Variants in LSAMP observed in about 807,000 individuals in gnomAD.
The protein encoded by LSAMP is limbic system associated membrane protein.
Under a neutral mutation model 38.6 loss-of-function variants are expected in LSAMP, and 7 were observed. The ratio of observed to expected loss-of-function variants is 0.18; its 90% CI spans 0.10 to 0.34. LSAMP has a LOEUF of 0.34. Ranked by LOEUF, LSAMP falls within the 10% of genes least tolerant of loss-of-function variation. LSAMP has a pLI of 1.00. For synonymous variants in LSAMP, 154 were observed against 166.8 expected, an observed-to-expected ratio of 0.92 and a Z score of 0.59; for missense variants, 313 against 420.0, an observed-to-expected ratio of 0.75 and a Z score of 2.23.
At chr3:115,968,563 C>T (rs570686084) in intron 3 of LSAMP, among the ~76,000 whole-genome samples, 1 of 152,196 alleles carries the variant, frequency 6.6e-6, no homozygotes, top group African/African-American at 2.4e-5. Context: ...GAGCTGATAC[C>T]CAAGTTGCAA....
At chr3:116,371,230 G>C (rs1428327828) in intron 1 of LSAMP, among the ~76,000 whole-genome samples, 1 of 151,976 alleles carries the variant, frequency 6.6e-6, no homozygotes, top group African/African-American at 2.4e-5. Flanking sequence ...TATCAAAGCA[G>C]AAAAAGACAC....
chr3:116,057,107 G>T (rs1438056597), intron 2 of LSAMP, among the ~76,000 whole-genome samples: 1 of 152,134 alleles, frequency 6.6e-6, no homozygotes, highest in Non-Finnish European at 1.5e-5. Context: ...TCCACTGAAT[G>T]TCAAGATCCT....
At position 115,967,746 on chromosome 3, in the gene LSAMP, T is replaced by C. The variant is rs909270644; in HGVS notation, c.514+51769A>G. On this transcript the variant is annotated intron_variant, in intron 3 of 6. Coordinates refer to ENST00000490035, the MANE Select transcript of LSAMP (RefSeq NM_002338.5). ...GCAGCAGGCAAAGAGAGAGCCTGTG[T>C]AGGGAAACTCCCATTTTTAAAACCA... is the stretch of plus-strand genomic sequence containing the variant. Among the ~76,000 whole-genome samples, 6 of 152,248 alleles carry C rather than the reference T, an allele frequency of 3.9e-5. No individual in the cohort carries two copies. In the South Asian group the frequency reaches 1.2e-3, roughly 32 times the overall value.
intron 1 of LSAMP, among the ~76,000 whole-genome samples, chr3:116,293,090 A>T (rs756581797): frequency 1.3e-5 from 2 of 152,146 alleles, no homozygotes; most frequent in African/African-American, 4.8e-5. Context: ...AATTTTCTTC[A>T]GAATGCTCAT....
chr3:115,960,871 C>G (rs1938603410), intron 3 of LSAMP, among the ~76,000 whole-genome samples: 1 of 152,116 alleles, frequency 6.6e-6, no homozygotes, highest in South Asian at 2.1e-4. Flanking sequence ...AAATCCAGCA[C>G]AGTCAAAATG....
At chr3:116,120,028 C>G (rs1708839807) in intron 1 of LSAMP, among the ~76,000 whole-genome samples, 1 of 152,166 alleles carries the variant, frequency 6.6e-6, no homozygotes, top group Non-Finnish European at 1.5e-5. Context: ...TTTTCAAAGA[C>G]AATCTTAGGA....
intron 1 of LSAMP, among the ~76,000 whole-genome samples, chr3:116,240,188 A>G (rs2046514820): frequency 6.6e-6 from 1 of 152,214 alleles, no homozygotes; most frequent in Non-Finnish European, 1.5e-5. Context: ...TTCCTTTGCA[A>G]CCTACATAAT....
rs1335362872 is a variant in LSAMP at position 115,810,177 on chromosome 3, T to C, written c.*140A>G. ...TCTTCTTCACTTTCTTATTTCCCCC[T>C]TCATGTATAAACACACAAAGTTGTG... On this transcript the variant is annotated 3_prime_UTR_variant, in exon 7 of 7. Coordinates refer to ENST00000490035, the MANE Select transcript of LSAMP (RefSeq NM_002338.5). The C allele has an allele frequency of 3.3e-6, 2 of 602,510 alleles. No homozygotes were observed. Among genetic ancestry groups the C allele is most frequent in the East Asian group, 5.7e-5 (2 of 35,002 alleles). 37.3% of individuals were successfully genotyped at this position (602,510 alleles called of 1,614,324 possible). A position where few individuals can be genotyped will look rare whatever the true frequency, so the allele number is the denominator to read the frequency against.
intron 3 of LSAMP, among the ~76,000 whole-genome samples, chr3:115,978,783 C>T (rs997050629): frequency 6.6e-6 from 1 of 151,880 alleles, no homozygotes; most frequent in Admixed American, 6.6e-5. Flanking sequence ...AGTGACCTTG[C>T]TGATAAAGGC....
intron 1 of LSAMP, among the ~76,000 whole-genome samples, chr3:116,188,418 T>C (rs1710675347): frequency 6.6e-6 from 1 of 152,172 alleles, no homozygotes; most frequent in South Asian, 2.1e-4. Flanking sequence ...AGAAGCCCCT[T>C]GGGAGCCATT....
intron 1 of LSAMP, among the ~76,000 whole-genome samples, chr3:116,343,929 G>A (rs920827646): frequency 6.6e-6 from 1 of 152,094 alleles, no homozygotes; most frequent in South Asian, 2.1e-4. Flanking sequence ...CTATAAGACT[G>A]TAAATGTATT....
chr3:115,939,798 G>A (rs1157848130), intron 3 of LSAMP, among the ~76,000 whole-genome samples: 1 of 151,988 alleles, frequency 6.6e-6, no homozygotes, highest in East Asian at 1.9e-4. Context: ...GGGCTCAAAC[G>A]ATCATCCTGC....
Position 115,803,232 on chromosome 3 carries a change from A to T in LSAMP, c.*7085T>A, listed in dbSNP as rs1933557512. 1 of 152,212 alleles carries T rather than the reference A, an allele frequency of 6.6e-6. No individual in the cohort carries two copies. Among genetic ancestry groups the T allele is most frequent in the South Asian group, 2.1e-4 (1 of 4,830 alleles). The allele number at this position is 152,212 out of a possible 1,614,324, so 9.4% of individuals were successfully genotyped here. On this transcript the variant is annotated 3_prime_UTR_variant, in exon 7 of 7. Transcript: ENST00000490035. ...TGTCCCATGGACAGGTCATTCTCCC[A>T]CTTAGAGAGAGCTTCATAAGTAATC... is the stretch of plus-strand genomic sequence containing the variant.
At chr3:116,238,696 A>G (rs1052101241) in intron 1 of LSAMP, among the ~76,000 whole-genome samples, 2 of 152,190 alleles carry the variant, frequency 1.3e-5, no homozygotes, top group African/African-American at 2.4e-5. Flanking sequence ...GCTATGACCA[A>G]TAAAATCAGT....
intron 3 of LSAMP, among the ~76,000 whole-genome samples, chr3:115,925,109 G>A: frequency 6.6e-6 from 1 of 152,144 alleles, no homozygotes; most frequent in East Asian, 1.9e-4. Flanking sequence ...TTGAGGGGTA[G>A]GCCATATCCC....
At chr3:116,160,654 C>T (rs764110665) in intron 1 of LSAMP, among the ~76,000 whole-genome samples, 2 of 152,212 alleles carry the variant, frequency 1.3e-5, no homozygotes, top group African/African-American at 2.4e-5. Flanking sequence ...CACATATACC[C>T]CTGAACCTAA....
At chr3:116,164,761 T>TATATATATA (rs754064532) in intron 1 of LSAMP, among the ~76,000 whole-genome samples, 2 of 41,128 alleles carry the variant, frequency 4.9e-5, no homozygotes, top group East Asian at 7.2e-4. Context: ...TATATATATA[T>TATATATATA]TTTTTTTTTT....
rs369329912 is a variant in LSAMP at position 116,121,865 on chromosome 3, CATT to C, written c.156-35312_156-35310del. On this transcript the variant is annotated intron_variant, in intron 1 of 6. Transcript: ENST00000490035. ...AACAAATTCATAAACTTTCTTAAAA[CATT>C]ATGAGATTTTTTTGTGATTTTTTTT... 2.3e-3 allele frequency among the ~76,000 whole-genome samples: 343 copies of C among 148,984 alleles called. 1 individual carries two copies. Among genetic ancestry groups the C allele is most frequent in the African/African-American group, 8.2e-3 (328 of 40,082 alleles).
intron 4 of LSAMP, among the ~76,000 whole-genome samples, chr3:115,842,917 T>C (rs982223664): frequency 6.6e-6 from 1 of 152,236 alleles, no homozygotes; most frequent in African/African-American, 2.4e-5. Context: ...TTTTTCTTTT[T>C]ATAAATGAAG....
Sources: allele counts gnomAD v4.1 joint callset (sites outside exome capture counted in the v4.1 genomes callset), GRCh38; gene constraint gnomAD v4.1.1; transcripts MANE v1.5; gene names NCBI Gene and HGNC (gene_info 2026-07-23, HGNC 2026-07-21).